The following COL5A2 variants were observed in gnomAD, a reference collection of about 807,000 sequenced individuals.
The protein encoded by COL5A2 is collagen alpha-2(V) chain.
Under a neutral mutation model 208.2 loss-of-function variants are expected in COL5A2, and 23 were observed. The ratio of observed to expected loss-of-function variants is 0.11; its 90% CI spans 0.08 to 0.16. The LOEUF (loss-of-function observed/expected upper bound fraction) is 0.16, where lower values mean the gene tolerates loss of function less well. Ranked by LOEUF, COL5A2 falls within the 10% of genes least tolerant of loss-of-function variation. The pLI is 1.00. For synonymous variants in COL5A2, 625 were observed against 628.5 expected (o/e 0.99, Z 0.08); for missense variants, 1,590 against 1,956.4 (o/e 0.81, Z 3.53).
At chr2:189,314,898 G>A in the COL5A2 span, among the ~76,000 whole-genome samples, 11 of 152,184 alleles carry the variant, frequency 7.2e-5, no homozygotes, top group Middle Eastern at 3.4e-3. Context: ...CTGAATCCCT[G>A]AACAGACTAA....
In COL5A2 at chr2:189,140,301, A is replaced by G. The variant is rs185505069; in HGVS notation, c.98-29852T>C. On this transcript the variant is annotated intron_variant, in intron 1 of 53. Coordinates refer to ENST00000374866, the MANE Select transcript of COL5A2 (RefSeq NM_000393.5). ...AATATTTTCCAGCAATTGTAAACAG[A>G]AAAAACATGCCCAGGGCCTCAATGA... Among the ~76,000 whole-genome samples, 9 of 152,334 alleles carry G rather than the reference A, an allele frequency of 5.9e-5. No homozygotes were observed. The East Asian group carries it at 1.7e-3, about 29-fold the overall frequency.
At chr2:189,225,222 T>C (rs181357104) in exon 1 of COL5A2, among the ~76,000 whole-genome samples, 2 of 152,278 alleles carry the variant, frequency 1.3e-5, no homozygotes, top group South Asian at 2.1e-4. Context: ...GTACGAGAGA[T>C]AGCAGCAACT....
At position 189,064,573 on chromosome 2, in the gene COL5A2, C is replaced by T; in HGVS notation, c.1700G>A (p.Gly567Glu). 6.2e-7 allele frequency: 1 copy of T among 1,613,864 alleles called. No individual in the cohort carries two copies. The highest frequency in any genetic ancestry group is 8.5e-7 in the Non-Finnish European group (1 of 1,179,900). Residue 567 changes from glycine to glutamate, a missense_variant, in exon 25 of 54, where the codon GGG becomes GAG. Physicochemically the swap from Gly to Glu is moderately conservative, Grantham distance 98. Coordinates refer to ENST00000374866, the MANE Select transcript of COL5A2 (RefSeq NM_000393.5). The stretch of plus-strand genomic sequence containing the variant: ...TATTCTTACCCGAGCACCTGGAAGC[C>T]CAGGTTCCCCTGGACGTCCTGGATC... The part of the protein sequence containing the change: ...QGDPGRPGEP[G>E]LPGARGLTGN...
chr2:189,052,030 A>C, intron 41 of COL5A2, 142 bp downstream of exon 41: 18 of 621,154 alleles, frequency 2.9e-5, no homozygotes, highest in Non-Finnish European at 4.9e-5. Context: ...CTGAAATACC[A>C]GCATGCATTA....
the COL5A2 span, among the ~76,000 whole-genome samples, chr2:189,351,290 C>G: frequency 6.6e-6 from 1 of 152,268 alleles, no homozygotes; most frequent in South Asian, 2.1e-4. Context: ...GAACATCATC[C>G]AAAGATTGTA....
At chr2:189,045,629 G>T (rs1011250460) in intron 46 of COL5A2, among the ~76,000 whole-genome samples, 171 bp downstream of exon 46, 4 of 152,276 alleles carry the variant, frequency 2.6e-5, no homozygotes, top group East Asian at 3.9e-4. Context: ...ATGAAATTTT[G>T]CCTTTCAGAC....
the COL5A2 span, among the ~76,000 whole-genome samples, chr2:189,387,315 T>C: frequency 6.6e-6 from 1 of 151,936 alleles, no homozygotes. Flanking sequence ...AGCCTACTAG[T>C]GATAGAGAGA....
the COL5A2 span, among the ~76,000 whole-genome samples, chr2:189,423,037 A>G: frequency 2.6e-5 from 4 of 151,476 alleles, no homozygotes; most frequent in African/African-American, 4.8e-5. Flanking sequence ...AAAAAAAAAA[A>G]AAAGAAAGAA....
At chr2:189,242,485 C>T in the COL5A2 span, among the ~76,000 whole-genome samples, 1 of 152,112 alleles carries the variant, frequency 6.6e-6, no homozygotes, top group Non-Finnish European at 1.5e-5. Context: ...ATGCCTTACA[C>T]ACACACACAT....
rs566474998 is a variant in COL5A2, at chr2:189,085,579, C to T, written c.744+140G>A. On this transcript the variant is annotated intron_variant, in intron 10 of 53. Transcript: ENST00000374866. ...AGAAACATATAGCTTAAGAACAGTT[C>T]ATAGAACAGGACTCCCAAACTGGAT... The T allele has an allele frequency of 6.1e-3, 4,329 of 711,706 alleles. 30 individuals are homozygous for T. The highest frequency in any genetic ancestry group is 9.8e-3 in the Non-Finnish European group (3,842 of 392,746). 44.1% of individuals were successfully genotyped at this position (711,706 alleles called of 1,614,324 possible).
At chr2:189,117,261 AT>A (rs879870256) in intron 1 of COL5A2, among the ~76,000 whole-genome samples, 296 of 152,158 alleles carry the variant, frequency 1.9e-3, no homozygotes, top group Admixed American at 3.8e-3. Context: ...TTTGACATAG[AT>A]TTTTTTTCCC....
rs746163343 is a variant in COL5A2 at position 189,068,074 on chromosome 2, G to A, written c.1342C>T (p.Pro448Ser). Residue 448 changes from proline to serine, a missense_variant, in exon 21 of 54, where the codon CCT becomes TCT. Physicochemically the swap from Pro to Ser is moderately conservative, Grantham distance 74. Coordinates refer to ENST00000374866, the MANE Select transcript of COL5A2 (RefSeq NM_000393.5). Reference sequence around the variant, plus strand: ...CCCTGAGGTCCTGGAGATCCAGGAGGCCCTGCTGAGCCAGGAGGACCAGAG... The same window carrying A: ...CCCTGAGGTCCTGGAGATCCAGGAGACCCTGCTGAGCCAGGAGGACCAGAG... ...GTSGPPGSAG[P>S]PGSPGPQGST... 6.2e-7 allele frequency: 1 copy of A among 1,613,998 alleles called. No individual in the cohort carries two copies. The highest frequency in any genetic ancestry group is 8.5e-7 in the Non-Finnish European group (1 of 1,179,946).
At chr2:189,276,460 C>T in the COL5A2 span, among the ~76,000 whole-genome samples, 1 of 152,144 alleles carries the variant, frequency 6.6e-6, no homozygotes, top group Non-Finnish European at 1.5e-5. Flanking sequence ...ATAGAAAAAT[C>T]TGGGAAGTTT....
the COL5A2 span, among the ~76,000 whole-genome samples, chr2:189,401,478 A>C: frequency 6.6e-6 from 1 of 152,152 alleles, no homozygotes; most frequent in African/African-American, 2.4e-5. Context: ...ATGGACATTT[A>C]GGTTGATTCC....
intron 3 of COL5A2, among the ~76,000 whole-genome samples, chr2:189,102,772 G>A (rs990842731): frequency 6.6e-6 from 1 of 152,060 alleles, no homozygotes; most frequent in Non-Finnish European, 1.5e-5. Flanking sequence ...GAATCAATCG[G>A]TCAATGAGTT....
intron 1 of COL5A2, among the ~76,000 whole-genome samples, chr2:189,192,642 T>C (rs1188176850): frequency 1.3e-5 from 2 of 152,218 alleles, no homozygotes; most frequent in Non-Finnish European, 2.9e-5. Flanking sequence ...CCCTATTCAA[T>C]TTTTTGCTTA....
the COL5A2 span, among the ~76,000 whole-genome samples, chr2:189,231,269 A>C: frequency 6.6e-6 from 1 of 151,854 alleles, no homozygotes; most frequent in African/African-American, 2.4e-5. Context: ...ATGTGCTTAC[A>C]GTAAACAACA....
At chr2:189,399,758 A>T in the COL5A2 span, among the ~76,000 whole-genome samples, 3 of 152,042 alleles carry the variant, frequency 2.0e-5, no homozygotes, top group Non-Finnish European at 4.4e-5. Flanking sequence ...GGAGTGCAGC[A>T]GTGTGATCAT....
At chr2:189,100,196 G>A in intron 3 of COL5A2, 57 bp from the exon 4 acceptor site, 6 of 1,339,306 alleles carry the variant, frequency 4.5e-6, no homozygotes, top group Non-Finnish European at 6.4e-6. Flanking sequence ...GGCTTGCTGG[G>A]CAAAAACATG....
Sources: gnomAD v4.1 joint callset for allele counts (sites outside exome capture counted in the v4.1 genomes callset) on GRCh38, gnomAD v4.1.1 for gene constraint, MANE v1.5 for transcripts, NCBI Gene and HGNC (gene_info 2026-07-23, HGNC 2026-07-21) for gene names.